Variants in MAPK10 observed in about 807,000 individuals in gnomAD.
The protein encoded by MAPK10 is JNK3 alpha protein kinase.
A neutral mutation model predicts 59.3 loss-of-function variants in MAPK10; 25 were observed. The ratio of observed to expected loss-of-function variants is 0.42; its 90% CI spans 0.31 to 0.59. The LOEUF (loss-of-function observed/expected upper bound fraction) is 0.59, where lower values mean the gene tolerates loss of function less well. Among genes scored for constraint, MAPK10 ranks in the 20% least tolerant of loss-of-function variants. The pLI is 0.15. For synonymous variants in MAPK10, 190 were observed against 200.5 expected (o/e 0.95, Z 0.44); for missense variants, 351 against 568.9 (o/e 0.62, Z 3.90).
rs139143604 is a variant in MAPK10, at chr4:86,286,169, G to T, written c.-7+68361C>A. ...CAGTTACATGTATTTTTAAAGAAAT[G>T]TGTAAACCAATAAATCAAATAAACT... On this transcript the variant is annotated intron_variant, in intron 2 of 13. Coordinates refer to ENST00000641462, the MANE Select transcript of MAPK10 (RefSeq NM_138982.4). Among the ~76,000 whole-genome samples the T allele has an allele frequency of 2.2e-4, 34 of 152,312 alleles. No homozygotes were observed. In the East Asian group the frequency reaches 6.4e-3, roughly 28 times the overall value.
chr4:86,292,672 C>T (rs567221380), intron 2 of MAPK10, among the ~76,000 whole-genome samples: 22 of 152,276 alleles, frequency 1.4e-4, no homozygotes, highest in South Asian at 4.2e-4. Context: ...TAGCTATGAT[C>T]GCACCACTGC....
intron 1 of MAPK10, chr4:86,356,355 G>T (rs1479464950): frequency 1.7e-5 from 3 of 176,564 alleles, no homozygotes; most frequent in Non-Finnish European, 3.3e-5. Flanking sequence ...GCTTGATATG[G>T]ATCCAAAACA....
chr4:86,294,948 T>A (rs1216046204), intron 2 of MAPK10, among the ~76,000 whole-genome samples: 1 of 151,550 alleles, frequency 6.6e-6, no homozygotes, highest in Non-Finnish European at 1.5e-5. Flanking sequence ...CTAGATAGAG[T>A]TTGTCATCTC....
At chr4:86,517,835 A>G (rs1451965699) in intron 1 of MAPK10, among the ~76,000 whole-genome samples, 2 of 152,162 alleles carry the variant, frequency 1.3e-5, no homozygotes, top group African/African-American at 4.8e-5. Context: ...ATCTTTTGGA[A>G]TAGTTTCAGT....
At chr4:86,149,079 C>A (rs1380322180) in intron 4 of MAPK10, among the ~76,000 whole-genome samples, 11 of 152,160 alleles carry the variant, frequency 7.2e-5, no homozygotes, top group Non-Finnish European at 1.5e-4. Flanking sequence ...TAGATTCATT[C>A]CATTGTTCCC....
intron 5 of MAPK10, among the ~76,000 whole-genome samples, chr4:86,106,439 ATATATT>A (rs2056549079): frequency 6.7e-6 from 1 of 148,692 alleles, no homozygotes; most frequent in Non-Finnish European, 1.5e-5. Context: ...ATAATTTATT[ATATATT>A]TATATCTAAA....
chr4:86,284,536 C>T (rs112688833), intron 2 of MAPK10, among the ~76,000 whole-genome samples: 53 of 152,292 alleles, frequency 3.5e-4, no homozygotes, highest in African/African-American at 1.2e-3. Context: ...ACTTCTTCCA[C>T]AGAGCTCTGT....
At chr4:86,322,972 C>T (rs537983640) in intron 2 of MAPK10, among the ~76,000 whole-genome samples, 17 of 152,228 alleles carry the variant, frequency 1.1e-4, no homozygotes, top group South Asian at 4.1e-4. Flanking sequence ...GTCAGGAGTT[C>T]GAGGCCAACC....
chr4:86,312,387 A>T (rs1289423589), intron 2 of MAPK10, among the ~76,000 whole-genome samples: 1 of 152,112 alleles, frequency 6.6e-6, no homozygotes, highest in Non-Finnish European at 1.5e-5. Context: ...ACATATGAAA[A>T]TACCCATAAT....
intron 3 of MAPK10, among the ~76,000 whole-genome samples, chr4:86,163,223 T>G (rs1247318020): frequency 6.6e-6 from 1 of 152,094 alleles, no homozygotes; most frequent in African/African-American, 2.4e-5. Context: ...TGATAGCAAA[T>G]ATGATGTGTT....
At chr4:86,565,551 C>T (rs770836629) in intron 1 of MAPK10, among the ~76,000 whole-genome samples, 3 of 152,150 alleles carry the variant, frequency 2.0e-5, no homozygotes, top group Non-Finnish European at 4.4e-5. Flanking sequence ...TCTAAAACAT[C>T]AGTGATTAAA....
intron 1 of MAPK10, among the ~76,000 whole-genome samples, chr4:86,420,496 C>G (rs955283658): frequency 5.7e-4 from 87 of 152,214 alleles, no homozygotes; most frequent in African/African-American, 2.0e-3. Flanking sequence ...CCTTTAAAAA[C>G]TCAATTTTTG....
At chr4:86,282,158 A>G (rs1352251923) in intron 2 of MAPK10, among the ~76,000 whole-genome samples, 2 of 152,210 alleles carry the variant, frequency 1.3e-5, no homozygotes, top group Non-Finnish European at 2.9e-5. Context: ...TTATAGAGAT[A>G]AGCTGTTGCT....
intron 3 of MAPK10, among the ~76,000 whole-genome samples, chr4:86,190,354 A>C: frequency 6.6e-6 from 1 of 152,238 alleles, no homozygotes; most frequent in Middle Eastern, 3.4e-3. Flanking sequence ...AGTAGAATTC[A>C]GCTGTGAATC....
At chr4:86,296,117 A>G (rs1242851070) in intron 2 of MAPK10, among the ~76,000 whole-genome samples, 1 of 150,730 alleles carries the variant, frequency 6.6e-6, no homozygotes, top group Non-Finnish European at 1.5e-5. Flanking sequence ...CGGAGGTTCC[A>G]GTGAGCTGAG....
chr4:86,520,832 C>A (rs1471955117), intron 1 of MAPK10, among the ~76,000 whole-genome samples: 1 of 152,164 alleles, frequency 6.6e-6, no homozygotes, highest in African/African-American at 2.4e-5. Context: ...TCCCCCTTCC[C>A]CTAGGGATGG....
intron 2 of MAPK10, among the ~76,000 whole-genome samples, chr4:86,237,318 G>A (rs2092336512): frequency 6.6e-6 from 1 of 152,134 alleles, no homozygotes. Context: ...ATAAACATAT[G>A]TGTGCATGTG....
intron 11 of MAPK10, among the ~76,000 whole-genome samples, chr4:86,034,435 A>G (rs2039756240): frequency 6.6e-6 from 1 of 152,222 alleles, no homozygotes; most frequent in Non-Finnish European, 1.5e-5. Flanking sequence ...CTGATGAAAC[A>G]TGTCCAAATT....
intron 1 of MAPK10, among the ~76,000 whole-genome samples, chr4:86,581,471 G>A (rs1762257471): frequency 6.6e-6 from 1 of 152,046 alleles, no homozygotes; most frequent in African/African-American, 2.4e-5. Context: ...TATTAGTGCT[G>A]TAATAAAATT....
Sources: allele counts gnomAD v4.1 joint callset (sites outside exome capture counted in the v4.1 genomes callset), GRCh38; gene constraint gnomAD v4.1.1; transcripts MANE v1.5; gene names NCBI Gene and HGNC (gene_info 2026-07-23, HGNC 2026-07-21).